Variants in STK32B observed in about 807,000 individuals in gnomAD.
STK32B encodes serine/threonine kinase 32B, also known as serine/threonine-protein kinase 32B.
A neutral mutation model predicts 52.6 loss-of-function variants in STK32B; 43 were observed. That is an observed-to-expected ratio of 0.82 (90% CI 0.64 to 1.05). The LOEUF is 1.05. Ranked by LOEUF, STK32B falls within the 50% of genes least tolerant of loss-of-function variation. STK32B has a pLI of 0.00. For synonymous variants in STK32B, 238 were observed against 204.3 expected (o/e 1.17, Z -1.41); for missense variants, 621 against 534.6 (o/e 1.16, Z -1.59).
At chr4:5,178,175 C>G (rs1207018723) in intron 3 of STK32B, among the ~76,000 whole-genome samples, 1 of 152,240 alleles carries the variant, frequency 6.6e-6, no homozygotes, top group East Asian at 1.9e-4. Context: ...TATACATCCT[C>G]TGAAATCTAG....
At position 5,497,081 on chromosome 4, in the gene STK32B, A is replaced by C. The variant is rs1720329298; in HGVS notation, c.1107-1864A>C. On this transcript the variant is annotated intron_variant, in intron 11 of 11. Coordinates refer to ENST00000282908, the MANE Select transcript of STK32B (RefSeq NM_018401.3). Reference sequence around the variant, plus strand: ...TTTTTTTAGCCTCAAGATATCAATGAGCTATCATATCTTATTTGAAATCCA... The same window carrying C: ...TTTTTTTAGCCTCAAGATATCAATGCGCTATCATATCTTATTTGAAATCCA... Among the ~76,000 whole-genome samples, 3 of 152,192 alleles carry C rather than the reference A, an allele frequency of 2.0e-5. No individual in the cohort carries two copies. The South Asian group carries it at 6.2e-4, about 32-fold the overall frequency.
At chr4:5,238,689 A>G (rs1441578015) in intron 3 of STK32B, among the ~76,000 whole-genome samples, 1 of 152,232 alleles carries the variant, frequency 6.6e-6, no homozygotes, top group Admixed American at 6.5e-5. Context: ...TGAAAAATAC[A>G]AAGGCCAGCG....
At chr4:5,362,166 C>T (rs1336439049) in intron 4 of STK32B, among the ~76,000 whole-genome samples, 1 of 152,108 alleles carries the variant, frequency 6.6e-6, no homozygotes, top group African/African-American at 2.4e-5. Context: ...AGGAACTCTC[C>T]GTGGTGCTGA....
At chr4:5,254,183 A>G (rs1006215178) in intron 3 of STK32B, among the ~76,000 whole-genome samples, 14 of 152,150 alleles carry the variant, frequency 9.2e-5, no homozygotes, top group Non-Finnish European at 1.6e-4. Context: ...AAATTTATCT[A>G]TGTTTGCAAA....
chr4:5,129,081 G>A (rs1487761593), intron 1 of STK32B, among the ~76,000 whole-genome samples: 2 of 152,198 alleles, frequency 1.3e-5, no homozygotes, highest in African/African-American at 4.8e-5. Flanking sequence ...AAATAGTCAT[G>A]TCCATAAGTT....
intron 6 of STK32B, among the ~76,000 whole-genome samples, chr4:5,444,612 A>C (rs1025642054): frequency 1.3e-5 from 2 of 152,148 alleles, no homozygotes; most frequent in Admixed American, 1.3e-4. Context: ...CTATTCGGCC[A>C]TCTTGGCTCC....
the STK32B span, among the ~76,000 whole-genome samples, chr4:5,022,317 C>T: frequency 2.1e-3 from 320 of 152,248 alleles, 1 homozygote; most frequent in Middle Eastern, 3.4e-3. Context: ...GGTGACTACT[C>T]GTGTTACTCA....
At chr4:5,176,702 C>T (rs1719932361) in intron 3 of STK32B, among the ~76,000 whole-genome samples, 1 of 152,106 alleles carries the variant, frequency 6.6e-6, no homozygotes, top group African/African-American at 2.4e-5. Context: ...CCTCAGCCTC[C>T]CAAAGTACTG....
intron 3 of STK32B, among the ~76,000 whole-genome samples, chr4:5,177,112 A>G (rs1022718341): frequency 7.2e-5 from 11 of 152,252 alleles, no homozygotes; most frequent in African/African-American, 2.6e-4. Flanking sequence ...GTATTAGTTC[A>G]CTCTTATACT....
At chr4:5,410,660 TGG>T (rs1262433366) in intron 5 of STK32B, among the ~76,000 whole-genome samples, 2 of 152,056 alleles carry the variant, frequency 1.3e-5, no homozygotes, top group African/African-American at 4.8e-5. Context: ...AAACACCACG[TGG>T]GGTTATTCCA....
At chr4:5,258,619 G>A (rs972372476) in intron 3 of STK32B, among the ~76,000 whole-genome samples, 11 of 152,104 alleles carry the variant, frequency 7.2e-5, no homozygotes, top group African/African-American at 2.7e-4. Flanking sequence ...TCTAATCCAT[G>A]AAGAAATCTT....
intron 5 of STK32B, among the ~76,000 whole-genome samples, chr4:5,415,519 G>C (rs3821933): frequency 0.15 from 22,240 of 152,218 alleles, 1,944 homozygotes; most frequent in East Asian, 0.43. Context: ...GGGGCCTGAG[G>C]AAGCCCCAGA....
intron 3 of STK32B, among the ~76,000 whole-genome samples, chr4:5,307,030 T>G (rs937827030): frequency 2.0e-5 from 3 of 152,200 alleles, no homozygotes; most frequent in Non-Finnish European, 4.4e-5. Context: ...AGGTTTTCCT[T>G]TATAGGTTGC....
chr4:5,495,103 G>A (rs546919186), intron 11 of STK32B, among the ~76,000 whole-genome samples: 19 of 152,002 alleles, frequency 1.2e-4, no homozygotes, highest in Middle Eastern at 3.4e-3. Flanking sequence ...TCTGTATTTC[G>A]TGAATCTGAA....
intron 1 of STK32B, among the ~76,000 whole-genome samples, chr4:5,098,422 C>A (rs1206342411): frequency 6.6e-6 from 1 of 152,202 alleles, no homozygotes; most frequent in African/African-American, 2.4e-5. Flanking sequence ...ACAAAACCCA[C>A]TATCAGCAGC....
intron 3 of STK32B, among the ~76,000 whole-genome samples, chr4:5,230,209 T>TTTTTGC (rs1724164233): frequency 1.2e-5 from 1 of 86,708 alleles, no homozygotes; most frequent in African/African-American, 4.4e-5. Context: ...TTTTTTTTTT[T>TTTTTGC]AGTGGAGTCT....
chr4:5,131,144 TGAG>T (rs1439645950), intron 1 of STK32B, among the ~76,000 whole-genome samples: 1 of 152,180 alleles, frequency 6.6e-6, no homozygotes, highest in Non-Finnish European at 1.5e-5. Context: ...TCAGAAAATT[TGAG>T]GAGAACAGAC....
At chr4:5,206,617 G>A (rs999544287) in intron 3 of STK32B, among the ~76,000 whole-genome samples, 3 of 152,074 alleles carry the variant, frequency 2.0e-5, no homozygotes, top group African/African-American at 7.2e-5. Flanking sequence ...TTGAAATGAC[G>A]AATGATGAGT....
chr4:5,419,339 A>G (rs1453342543), intron 6 of STK32B, among the ~76,000 whole-genome samples: 5 of 152,010 alleles, frequency 3.3e-5, no homozygotes, highest in Admixed American at 3.3e-4. Flanking sequence ...CTTTGTCTGT[A>G]GGGTCTCTGT....
Sources: gnomAD v4.1 joint callset for allele counts (sites outside exome capture counted in the v4.1 genomes callset) on GRCh38, gnomAD v4.1.1 for gene constraint, MANE v1.5 for transcripts, NCBI Gene and HGNC (gene_info 2026-07-23, HGNC 2026-07-21) for gene names.